Variants in HDHD2 observed in about 807,000 individuals in gnomAD.
HDHD2 encodes the protein haloacid dehalogenase like hydrolase domain containing 2.
In HDHD2, 26 loss-of-function variants were observed where a neutral mutation model predicts 24.8. That is an observed-to-expected ratio of 1.05 (90% confidence interval 0.77 to 1.45). The LOEUF is 1.45. HDHD2 is among the 40% of genes most tolerant of loss of function. The pLI is 0.00. For missense variants in HDHD2, 299 were observed against 313.4 expected (o/e 0.95, Z 0.35); for synonymous variants, 128 against 114.9 (o/e 1.11, Z -0.73).
chr18:47,128,308 C>T (rs1190938910), intron 4 of HDHD2, among the ~76,000 whole-genome samples: 3 of 152,164 alleles, frequency 2.0e-5, no homozygotes, highest in Non-Finnish European at 4.4e-5. Context: ...ATATGTCCTT[C>T]CCAAATTGCC....
chr18:47,149,756 G>A (rs2063911082), intron 1 of HDHD2, among the ~76,000 whole-genome samples: 1 of 152,150 alleles, frequency 6.6e-6, no homozygotes, highest in South Asian at 2.1e-4. Flanking sequence ...TAGGCTAGGA[G>A]CCACCTGTGG....
chr18:47,109,879 C>T (rs2147455642), intron 6 of HDHD2: 1 of 611,550 alleles, frequency 1.6e-6, no homozygotes, highest in Non-Finnish European at 2.0e-6. Context: ...ATATCTGTTA[C>T]ATGTCCCAAT....
Position 47,134,654 on chromosome 18 carries a change from T to C in HDHD2, c.152A>G (p.Glu51Gly). The C allele has an allele frequency of 6.2e-7, 1 of 1,614,226 alleles. No homozygotes were observed. Among genetic ancestry groups the C allele is most frequent in the Middle Eastern group, 1.6e-4 (1 of 6,062 alleles). The change falls in exon 3 of 7, where the codon GAG (glutamate) becomes GGG (glycine). Residue 51 changes from glutamate to glycine, a missense_variant. Transcript: ENST00000300605. ...IIRFVTNTTK[E>G]SKQDLLERLR... is the part of the protein sequence containing the mutation. ...CCTTTCTAACAGGTCTTGCTTGCTC[T>C]CTTTGGTTGTATTGGTCACAAACCT...
chr18:47,108,533 C>T lies in HDHD2; in HGVS notation c.*149G>A, dbSNP rs72905446. ...CTTACTGGCTAGCCGCAATTCAATA[C>T]CTTTCTTTCTAATTAATGCACAACA... On this transcript the variant is annotated 3_prime_UTR_variant, in exon 7 of 7. Transcript: ENST00000300605. 6,342 of 487,450 alleles carry T rather than the reference C, an allele frequency of 0.013. 56 individuals carry two copies. Among genetic ancestry groups the T allele is most frequent in the Non-Finnish European group, 0.018 (4,898 of 279,336 alleles). 30.2% of individuals were successfully genotyped at this position (487,450 alleles called of 1,614,324 possible). A position where few individuals can be genotyped will look rare whatever the true frequency, so the allele number is the denominator to read the frequency against.
Position 47,112,979 on chromosome 18 carries a change from G to A in HDHD2, c.674C>T (p.Thr225Ile). The A allele has an allele frequency of 6.2e-7, 1 of 1,612,304 alleles. No individual in the cohort carries two copies. The highest frequency in any genetic ancestry group is 8.5e-7 in the Non-Finnish European group (1 of 1,178,388). ...TGCTTTATACAGAAGATACATACCA[G>A]TCTTTACTAAGATGCCCAGCATGCC... is the stretch of plus-strand genomic sequence containing the variant. ...DVGMLGILVKTGKYRASDEEK... is the reference protein window; with the variant it reads ...DVGMLGILVKIGKYRASDEEK... Residue 225 changes from threonine to isoleucine, a missense_variant and splice_region_variant, in exon 6 of 7, where the codon ACT becomes ATT. Physicochemically the swap from Thr to Ile is moderately conservative, Grantham distance 89. Coordinates refer to ENST00000300605, the MANE Select transcript of HDHD2 (RefSeq NM_032124.5).
At chr18:47,126,697 T>C (rs1018567104) in intron 4 of HDHD2, among the ~76,000 whole-genome samples, 4 of 152,092 alleles carry the variant, frequency 2.6e-5, no homozygotes, top group African/African-American at 9.7e-5. Context: ...AGCAGTTTCT[T>C]AATATAGGGA....
intron 4 of HDHD2, among the ~76,000 whole-genome samples, chr18:47,125,322 CTGTT>C (rs1487952468): frequency 2.0e-5 from 3 of 152,290 alleles, no homozygotes; most frequent in Admixed American, 6.5e-5. Flanking sequence ...CTTTGGAAAA[CTGTT>C]TGGCGATATT....
At chr18:47,119,682 A>G (rs918875277) in intron 4 of HDHD2, among the ~76,000 whole-genome samples, 1 of 152,218 alleles carries the variant, frequency 6.6e-6, no homozygotes, top group East Asian at 1.9e-4. Context: ...TTGACCTTTC[A>G]TGAACCACAA....
chr18:47,118,938 A>G (rs901477898), intron 4 of HDHD2, among the ~76,000 whole-genome samples: 30 of 152,378 alleles, frequency 2.0e-4, no homozygotes, highest in African/African-American at 6.7e-4. Context: ...ATTCAGCTGC[A>G]GACCATTGCA....
chr18:47,136,872 C>T (rs1599954535), intron 1 of HDHD2: 2 of 395,174 alleles, frequency 5.1e-6, no homozygotes, highest in East Asian at 1.0e-4. Flanking sequence ...CAAATATTCT[C>T]ATCGCCCTTC....
intron 1 of HDHD2, among the ~76,000 whole-genome samples, chr18:47,138,036 G>C (rs1300319584): frequency 6.6e-6 from 1 of 151,710 alleles, no homozygotes; most frequent in African/African-American, 2.4e-5. Flanking sequence ...CATGGTGGCA[G>C]TTGCCTGTAA....
intron 6 of HDHD2, chr18:47,111,763 T>C (rs1568041951): frequency 1.0e-6 from 1 of 984,350 alleles, no homozygotes; most frequent in African/African-American, 1.7e-5. Context: ...TATTCAATTG[T>C]AGCTCCATCT....
rs1261199761 is a variant in HDHD2 at position 47,150,228 on chromosome 18, G to GA, written c.-11+149dup. On this transcript the variant is annotated intron_variant, in intron 1 of 6. Transcript: ENST00000300605. ...GGGCGGTTCCGACGCGGAAAACAGG[G>GA]AATGCGCACAGAGCAAGAGCGCACG... 4 of 152,348 alleles carry GA rather than the reference G, an allele frequency of 2.6e-5. No homozygotes were observed. The East Asian group carries it at 7.7e-4, about 29-fold the overall frequency. 9.4% of individuals were successfully genotyped at this position (152,348 alleles called of 1,614,324 possible). A position where few individuals can be genotyped will look rare whatever the true frequency, so the allele number is the denominator to read the frequency against.
intron 6 of HDHD2, among the ~76,000 whole-genome samples, chr18:47,112,408 T>C (rs890092174): frequency 6.6e-6 from 1 of 152,176 alleles, no homozygotes; most frequent in Non-Finnish European, 1.5e-5. Context: ...TAGTGAATCC[T>C]CCCCACTAAA....
chr18:47,144,665 A>G (rs928335467), intron 1 of HDHD2, among the ~76,000 whole-genome samples: 2 of 151,968 alleles, frequency 1.3e-5, no homozygotes, highest in Admixed American at 6.6e-5. Flanking sequence ...CAAGCGTGGT[A>G]GCATGGGCCT....
intron 1 of HDHD2, chr18:47,136,876 G>A (rs893124820): frequency 4.9e-5 from 19 of 389,904 alleles, no homozygotes; most frequent in East Asian, 1.5e-4. Flanking sequence ...TATTCTCATC[G>A]CCCTTCTTTG....
rs1906028749 is a variant in HDHD2 at position 47,125,620 on chromosome 18, A to G, written c.395+4624T>C. ...TACTGGTACACGCAAAAACTTGGAT[A>G]AATCTCAAAAGCAGACCAAAAAATG... On this transcript the variant is annotated intron_variant, in intron 4 of 6. Coordinates refer to ENST00000300605, the MANE Select transcript of HDHD2 (RefSeq NM_032124.5). Among the ~76,000 whole-genome samples, 6 of 152,252 alleles carry G rather than the reference A, an allele frequency of 3.9e-5. No individual in the cohort carries two copies. The South Asian group carries it at 1.2e-3, about 31-fold the overall frequency.
intron 3 of HDHD2, among the ~76,000 whole-genome samples, chr18:47,132,791 A>G (rs969837103): frequency 2.0e-5 from 3 of 152,216 alleles, no homozygotes; most frequent in East Asian, 1.9e-4. Context: ...ATTCTTTCAG[A>G]ATCGGTTGAC....
At chr18:47,119,013 GC>G (rs2063580681) in intron 4 of HDHD2, among the ~76,000 whole-genome samples, 2 of 152,202 alleles carry the variant, frequency 1.3e-5, no homozygotes, top group Admixed American at 6.5e-5. Flanking sequence ...TATTAAGTGT[GC>G]AACAGCATTG....
Sources: allele counts gnomAD v4.1 joint callset (sites outside exome capture counted in the v4.1 genomes callset), GRCh38; gene constraint gnomAD v4.1.1; transcripts MANE v1.5; gene names NCBI Gene and HGNC (gene_info 2026-07-23, HGNC 2026-07-21).